The following ADD3 variants were observed in gnomAD, a reference collection of about 807,000 sequenced individuals.
The protein encoded by ADD3 is gamma-adducin.
ADD3 carries 25 observed loss-of-function variants against 80.2 expected under a neutral mutation model. The observed-to-expected ratio is 0.31, with a 90% confidence interval of 0.23 to 0.44. The LOEUF (loss-of-function observed/expected upper bound fraction) is 0.44, where lower values mean the gene tolerates loss of function less well. Among genes scored for constraint, ADD3 ranks in the 20% least tolerant of loss-of-function variants. The pLI is 1.00. For synonymous variants in ADD3, 284 were observed against 289.6 expected, an observed-to-expected ratio of 0.98 and a Z score of 0.20; for missense variants, 829 against 847.5, an observed-to-expected ratio of 0.98 and a Z score of 0.27.
chr10:110,123,204 C>G (rs1319303889), intron 9 of ADD3, among the ~76,000 whole-genome samples: 1 of 152,188 alleles, frequency 6.6e-6, no homozygotes, highest in Non-Finnish European at 1.5e-5. Context: ...CTTTGACATA[C>G]TGAGTACATT....
intron 3 of ADD3, among the ~76,000 whole-genome samples, chr10:110,114,146 T>C (rs1850394053): frequency 6.6e-6 from 1 of 152,208 alleles, no homozygotes; most frequent in South Asian, 2.1e-4. Flanking sequence ...AGGAAAGCCA[T>C]GTGCCACTGT....
At chr10:110,069,260 ATTC>A (rs1483366544) in intron 1 of ADD3, among the ~76,000 whole-genome samples, 3 of 152,288 alleles carry the variant, frequency 2.0e-5, no homozygotes, top group East Asian at 1.9e-4. Context: ...TGATCTGCAT[ATTC>A]TTCTTCATAA....
chr10:110,093,467 A>G (rs1847796422), intron 1 of ADD3, among the ~76,000 whole-genome samples: 2 of 152,164 alleles, frequency 1.3e-5, no homozygotes, highest in African/African-American at 2.4e-5. Context: ...CTTAAATACA[A>G]TTTATTATTA....
At chr10:110,012,815 TCTCGAACTCCTGGG>T (rs985485225) in intron 1 of ADD3, among the ~76,000 whole-genome samples, 2 of 152,004 alleles carry the variant, frequency 1.3e-5, no homozygotes, top group Non-Finnish European at 1.5e-5. Context: ...CCCAGGCTGG[TCTCGAACTCCTGGG>T]CTCAAGCCAT....
At chr10:110,105,191 A>T (rs776564613) in intron 2 of ADD3, among the ~76,000 whole-genome samples, 3 of 152,268 alleles carry the variant, frequency 2.0e-5, no homozygotes, top group East Asian at 3.9e-4. Context: ...TTAATTTTTT[A>T]AAATAAAATA....
At chr10:110,087,021 C>CT (rs1409668915) in intron 1 of ADD3, among the ~76,000 whole-genome samples, 5 of 151,932 alleles carry the variant, frequency 3.3e-5, no homozygotes, top group African/African-American at 1.2e-4. Context: ...TAGAAAGTGG[C>CT]TTTTATTTTT....
chr10:110,099,382 T>G (rs1480934305), intron 1 of ADD3, among the ~76,000 whole-genome samples: 1 of 152,188 alleles, frequency 6.6e-6, no homozygotes, highest in Non-Finnish European at 1.5e-5. Context: ...CATTCTCAAT[T>G]AACATTTCCT....
intron 14 of ADD3, among the ~76,000 whole-genome samples, chr10:110,132,924 C>CAAAAAAAAAAAAAAAAAAAAAAAAAAA (rs60435351): frequency 1.5e-5 from 1 of 66,276 alleles, no homozygotes; most frequent in Non-Finnish European, 3.3e-5. Context: ...GACTCCGCCT[C>CAAAAAAAAAAAAAAAAAAAAAAAAAAA]AAAAAAAAAA....
chr10:110,034,633 A>C (rs570095927), intron 1 of ADD3, among the ~76,000 whole-genome samples: 307 of 152,294 alleles, frequency 2.0e-3, no homozygotes, highest in Non-Finnish European at 3.4e-3. Flanking sequence ...AACCTAGACA[A>C]TCATACTCTA....
At chr10:110,003,821 G>T (rs1396943708), upstream of ADD3, among the ~76,000 whole-genome samples, 1 of 152,210 alleles carries the variant, frequency 6.6e-6, no homozygotes, top group East Asian at 1.9e-4. Context: ...ACAGAAAAGA[G>T]ATTGTTTCTT....
chr10:110,048,307 A>G (rs1453249115), intron 1 of ADD3, among the ~76,000 whole-genome samples: 3 of 152,174 alleles, frequency 2.0e-5, no homozygotes, highest in Non-Finnish European at 4.4e-5. Context: ...TGTCTTTATC[A>G]GCAGCATGAA....
intron 1 of ADD3, among the ~76,000 whole-genome samples, chr10:109,998,276 A>AG (rs1411822954): frequency 7.9e-5 from 12 of 152,146 alleles, no homozygotes. Flanking sequence ...CAAGACACTA[A>AG]GGTCAAAGGC....
intron 1 of ADD3, among the ~76,000 whole-genome samples, chr10:109,998,917 T>A (rs1472236122): frequency 6.6e-6 from 1 of 152,182 alleles, no homozygotes; most frequent in African/African-American, 2.4e-5. Context: ...CCTTATTTAT[T>A]GATTTGTTTA....
intron 1 of ADD3, among the ~76,000 whole-genome samples, chr10:110,038,069 C>CAAA (rs754609555): frequency 6.9e-4 from 30 of 43,762 alleles, no homozygotes; most frequent in African/African-American, 7.8e-4. Flanking sequence ...AACTCCGTCT[C>CAAA]AAAAAAAAAA....
chr10:110,051,572 A>G (rs1295457565), intron 1 of ADD3, among the ~76,000 whole-genome samples: 1 of 152,212 alleles, frequency 6.6e-6, no homozygotes, highest in South Asian at 2.1e-4. Flanking sequence ...GCAACCATTT[A>G]AAAATAAGTT....
At chr10:110,059,792 G>T (rs1858665952) in intron 1 of ADD3, among the ~76,000 whole-genome samples, 1 of 152,102 alleles carries the variant, frequency 6.6e-6, no homozygotes, top group South Asian at 2.1e-4. Context: ...AATAAATAAA[G>T]ATCATTCATA....
intron 1 of ADD3, among the ~76,000 whole-genome samples, chr10:110,061,558 A>G (rs928037203): frequency 6.6e-6 from 1 of 152,218 alleles, no homozygotes; most frequent in Non-Finnish European, 1.5e-5. Context: ...AAGTGCTGAA[A>G]TAGATGAAAT....
chr10:110,072,088 GTC>G (rs566871841), intron 1 of ADD3, among the ~76,000 whole-genome samples: 5 of 152,160 alleles, frequency 3.3e-5, no homozygotes, highest in Middle Eastern at 3.2e-3. Context: ...TTTAGACGGA[GTC>G]TCTCTCTGTC....
chr10:110,065,208 T>C (rs547623349), intron 1 of ADD3, among the ~76,000 whole-genome samples: 4 of 152,334 alleles, frequency 2.6e-5, no homozygotes, highest in African/African-American at 9.6e-5. Flanking sequence ...TTTACTCTTA[T>C]TCTCCAAAGA....
Sources: gnomAD v4.1 joint callset for allele counts (sites outside exome capture counted in the v4.1 genomes callset) on GRCh38, gnomAD v4.1.1 for gene constraint, MANE v1.5 for transcripts, NCBI Gene and HGNC (gene_info 2026-07-23, HGNC 2026-07-21) for gene names.